PHACTR1: variants seen among roughly 807,000 people sequenced by gnomAD.
PHACTR1 encodes phosphatase and actin regulator 1, also known as RPEL repeat containing 1.
PHACTR1 carries 16 observed loss-of-function variants against 69.2 expected under a neutral mutation model. The ratio of observed to expected loss-of-function variants is 0.23; its 90% confidence interval spans 0.16 to 0.35. The LOEUF (loss-of-function observed/expected upper bound fraction) is 0.35, where lower values mean the gene tolerates loss of function less well. Ranked by LOEUF, PHACTR1 falls within the 10% of genes least tolerant of loss-of-function variation. The pLI, the probability that PHACTR1 is intolerant of heterozygous loss-of-function variation, is 1.00. For synonymous variants in PHACTR1, 312 were observed against 284.5 expected (o/e 1.10, Z -0.97); for missense variants, 510 against 734.7 (o/e 0.69, Z 3.54).
At chr6:12,879,571 G>A (rs1782874363) in intron 4 of PHACTR1, among the ~76,000 whole-genome samples, 1 of 152,074 alleles carries the variant, frequency 6.6e-6, no homozygotes, top group South Asian at 2.1e-4. Context: ...TTTCTCAGGA[G>A]CTTTTTGTCC....
chr6:13,024,618 C>T (rs1455596087), intron 4 of PHACTR1, among the ~76,000 whole-genome samples: 2 of 152,042 alleles, frequency 1.3e-5, no homozygotes, highest in Non-Finnish European at 2.9e-5. Flanking sequence ...TTTTTGCCTG[C>T]CCAAAGCCTT....
intron 4 of PHACTR1, among the ~76,000 whole-genome samples, chr6:12,893,371 A>G (rs1172402749): frequency 2.0e-5 from 3 of 152,198 alleles, no homozygotes; most frequent in Admixed American, 6.5e-5. Context: ...TTTTATATTT[A>G]TATCTTCTAA....
At chr6:13,248,361 A>C (rs761139534) in intron 10 of PHACTR1, among the ~76,000 whole-genome samples, 1 of 152,262 alleles carries the variant, frequency 6.6e-6, no homozygotes, top group East Asian at 1.9e-4. Context: ...AAAACATTGT[A>C]TCACGTCAGC....
At chr6:12,830,279 C>T (rs1561924248) in intron 4 of PHACTR1, among the ~76,000 whole-genome samples, 1 of 151,346 alleles carries the variant, frequency 6.6e-6, no homozygotes, top group Admixed American at 6.6e-5. Context: ...AGTTCCCAGA[C>T]TCTTACTCTA....
At chr6:13,170,432 T>G (rs549533738) in intron 6 of PHACTR1, among the ~76,000 whole-genome samples, 59 of 152,276 alleles carry the variant, frequency 3.9e-4, no homozygotes, top group African/African-American at 1.3e-3. Flanking sequence ...TGGGGCATAG[T>G]GGGCATCAAT....
chr6:13,018,737 T>TCAGG (rs1360949212), intron 4 of PHACTR1, among the ~76,000 whole-genome samples: 1 of 152,092 alleles, frequency 6.6e-6, no homozygotes, highest in Non-Finnish European at 1.5e-5. Flanking sequence ...AGAAGGAAGG[T>TCAGG]CAGGAAAAGC....
chr6:12,977,318 G>C (rs1460142301), intron 4 of PHACTR1, among the ~76,000 whole-genome samples: 1 of 151,904 alleles, frequency 6.6e-6, no homozygotes, highest in African/African-American at 2.4e-5. Context: ...AGATAAGGAG[G>C]GACGGCTATA....
At chr6:12,780,755 G>C (rs1425293800) in intron 4 of PHACTR1, among the ~76,000 whole-genome samples, 2 of 152,136 alleles carry the variant, frequency 1.3e-5, no homozygotes, top group African/African-American at 4.8e-5. Context: ...GTACTGTTTT[G>C]GAGTGTGATC....
chr6:13,041,339 TAC>T (rs368368056), intron 4 of PHACTR1, among the ~76,000 whole-genome samples: 4,616 of 135,412 alleles, frequency 0.034, 101 homozygotes, highest in African/African-American at 0.045. Context: ...TTAAAATACA[TAC>T]ACACACACAC....
chr6:13,016,329 T>C lies in PHACTR1; in HGVS notation c.251-37036T>C, dbSNP rs1800163608. Among the ~76,000 whole-genome samples, 3 of 152,352 alleles carry C rather than the reference T, an allele frequency of 2.0e-5. No individual in the cohort carries two copies. The South Asian group carries it at 6.2e-4, about 32-fold the overall frequency. ...CCTGTATTATGTCCAGTACCAGAAG[T>C]GTGCCTGGTTCCTCATTCATCACCG... On this transcript the variant is annotated intron_variant, in intron 4 of 14. Coordinates refer to ENST00000332995, the MANE Select transcript of PHACTR1 (RefSeq NM_030948.6).
chr6:13,093,410 AAGATCATTCCGATTATT>A (rs1813610123), intron 5 of PHACTR1, among the ~76,000 whole-genome samples: 1 of 152,220 alleles, frequency 6.6e-6, no homozygotes, highest in Non-Finnish European at 1.5e-5. Context: ...TTCTATAAGA[AAGATCATTCCGATTATT>A]AGAAACAATC....
intron 6 of PHACTR1, among the ~76,000 whole-genome samples, chr6:13,167,049 T>C (rs1235560929): frequency 6.6e-6 from 1 of 152,214 alleles, no homozygotes; most frequent in African/African-American, 2.4e-5. Context: ...TATTCCAATG[T>C]AGGCAGGAAG....
intron 4 of PHACTR1, among the ~76,000 whole-genome samples, chr6:12,782,967 C>T (rs1771023758): frequency 6.6e-6 from 1 of 152,224 alleles, no homozygotes; most frequent in Admixed American, 6.5e-5. Context: ...TGGACTCAAA[C>T]ATTTACCATG....
intron 4 of PHACTR1, among the ~76,000 whole-genome samples, chr6:12,803,476 GT>G (rs1351691358): frequency 6.6e-6 from 1 of 152,076 alleles, no homozygotes; most frequent in Non-Finnish European, 1.5e-5. Context: ...GAAATTAAGG[GT>G]CACAAAAACG....
intron 4 of PHACTR1, among the ~76,000 whole-genome samples, chr6:13,021,228 G>A (rs2127668561): frequency 6.6e-6 from 1 of 152,142 alleles, no homozygotes; most frequent in South Asian, 2.1e-4. Context: ...TCCCTATTCT[G>A]GACATTTCAC....
chr6:12,823,427 A>G (rs1776431930), intron 4 of PHACTR1, among the ~76,000 whole-genome samples: 1 of 152,240 alleles, frequency 6.6e-6, no homozygotes, highest in Non-Finnish European at 1.5e-5. Flanking sequence ...AAATGTTCCA[A>G]TAGTTCAAAA....
intron 5 of PHACTR1, among the ~76,000 whole-genome samples, chr6:13,072,294 C>T (rs1809654186): frequency 6.6e-6 from 1 of 152,166 alleles, no homozygotes; most frequent in Non-Finnish European, 1.5e-5. Context: ...AGTCATTTAA[C>T]TTGTTTGTCA....
chr6:12,889,196 A>G (rs920728879), intron 4 of PHACTR1, among the ~76,000 whole-genome samples: 1 of 152,176 alleles, frequency 6.6e-6, no homozygotes, highest in African/African-American at 2.4e-5. Context: ...GGTTTCAGCC[A>G]GGAGATCAAA....
intron 10 of PHACTR1, among the ~76,000 whole-genome samples, chr6:13,238,344 A>G (rs1320466949): frequency 6.6e-6 from 1 of 152,166 alleles, no homozygotes; most frequent in Non-Finnish European, 1.5e-5. Context: ...TCACTACTTT[A>G]TCATTACTGT....
Sources: allele counts gnomAD v4.1 joint callset (sites outside exome capture counted in the v4.1 genomes callset), GRCh38; gene constraint gnomAD v4.1.1; transcripts MANE v1.5; gene names NCBI Gene and HGNC (gene_info 2026-07-23, HGNC 2026-07-21).